Variants in PHF24 observed in about 807,000 individuals in gnomAD.
PHF24 encodes the protein PHD finger protein 24.
Under a neutral mutation model 42.6 loss-of-function variants are expected in PHF24, and 25 were observed. The observed-to-expected ratio is 0.59, with a 90% CI of 0.43 to 0.82. The LOEUF is 0.82. Among genes scored for constraint, PHF24 ranks in the 40% least tolerant of loss-of-function variants. The pLI is 0.00. For synonymous variants in PHF24, 185 were observed against 204.8 expected, an observed-to-expected ratio of 0.90 and a Z score of 0.83; for missense variants, 470 against 538.1, an observed-to-expected ratio of 0.87 and a Z score of 1.25.
the PHF24 span, among the ~76,000 whole-genome samples, chr9:34,877,628 C>T: frequency 6.6e-6 from 1 of 151,792 alleles, no homozygotes; most frequent in South Asian, 2.1e-4. Context: ...AAATGGTATG[C>T]TTTGTGTTAT....
chr9:34,739,437 A>G, the PHF24 span, among the ~76,000 whole-genome samples: 2 of 152,212 alleles, frequency 1.3e-5, no homozygotes, highest in Non-Finnish European at 2.9e-5. Context: ...ATATATTTCC[A>G]CAAAGACATA....
At chr9:34,901,407 G>A in the PHF24 span, among the ~76,000 whole-genome samples, 1 of 152,318 alleles carries the variant, frequency 6.6e-6, no homozygotes, top group Middle Eastern at 3.4e-3. Context: ...AAACAAACAT[G>A]ATAGACCACA....
intron 1 of PHF24, among the ~76,000 whole-genome samples, chr9:34,969,919 A>G (rs923051678): frequency 6.6e-6 from 1 of 152,100 alleles, no homozygotes; most frequent in Non-Finnish European, 1.5e-5. Context: ...TGCATCCTTC[A>G]AGGTCCACTT....
the PHF24 span, among the ~76,000 whole-genome samples, chr9:34,790,598 A>G: frequency 2.6e-5 from 4 of 152,256 alleles, no homozygotes; most frequent in Non-Finnish European, 4.4e-5. Flanking sequence ...TGTTGGAGAC[A>G]TGGCAATGAA....
At chr9:34,740,619 C>T in the PHF24 span, among the ~76,000 whole-genome samples, 1 of 152,210 alleles carries the variant, frequency 6.6e-6, no homozygotes, top group African/African-American at 2.4e-5. Flanking sequence ...GCGCCTCTCC[C>T]TCCACACCTC....
the PHF24 span, among the ~76,000 whole-genome samples, chr9:34,901,314 C>A: frequency 2.0e-5 from 3 of 152,204 alleles, no homozygotes; most frequent in Non-Finnish European, 2.9e-5. Context: ...GACCAACATT[C>A]TTCATGAACA....
the PHF24 span, chr9:34,837,428 A>G: frequency 2.1e-6 from 1 of 485,790 alleles, no homozygotes; most frequent in Non-Finnish European, 3.8e-6. Flanking sequence ...TGACACAGCT[A>G]AGGACATCTG....
At chr9:34,874,910 G>A in the PHF24 span, among the ~76,000 whole-genome samples, 1 of 152,130 alleles carries the variant, frequency 6.6e-6, no homozygotes, top group African/African-American at 2.4e-5. Flanking sequence ...ACGTCATGGA[G>A]AATGGGGCAT....
chr9:34,746,221 A>C, the PHF24 span, among the ~76,000 whole-genome samples: 5 of 152,226 alleles, frequency 3.3e-5, no homozygotes, highest in Non-Finnish European at 7.3e-5. Flanking sequence ...TGAACTGGAA[A>C]TAGATAAGCT....
the PHF24 span, among the ~76,000 whole-genome samples, chr9:34,793,668 A>C: frequency 1.3e-5 from 2 of 152,118 alleles, no homozygotes; most frequent in Admixed American, 6.5e-5. Context: ...AGAGAACTGG[A>C]GCAGAAGCCC....
At chr9:34,834,864 G>A in the PHF24 span, 1 of 1,505,946 alleles carries the variant, frequency 6.6e-7, no homozygotes, top group African/African-American at 1.6e-5. Context: ...GTTTTAGGGA[G>A]CAGTTGGGGG....
the PHF24 span, among the ~76,000 whole-genome samples, chr9:34,727,691 T>C: frequency 6.6e-6 from 1 of 152,216 alleles, no homozygotes; most frequent in African/African-American, 2.4e-5. Flanking sequence ...AAGGATGACT[T>C]CTTTATTCAA....
At chr9:34,774,954 A>C in the PHF24 span, among the ~76,000 whole-genome samples, 2 of 152,216 alleles carry the variant, frequency 1.3e-5, no homozygotes, top group Non-Finnish European at 2.9e-5. Context: ...GGTGCATTGC[A>C]TCTGGAAATG....
chr9:34,754,509 C>T, the PHF24 span, among the ~76,000 whole-genome samples: 1,886 of 152,152 alleles, frequency 0.012, 23 homozygotes, highest in Admixed American at 0.028. Context: ...AATGAGATAT[C>T]GTCTTGCCCC....
the PHF24 span, among the ~76,000 whole-genome samples, chr9:34,898,182 A>G: frequency 6.6e-6 from 1 of 152,214 alleles, no homozygotes; most frequent in Admixed American, 6.5e-5. Flanking sequence ...TCCTCCAGGT[A>G]GATACCCAGT....
chr9:34,914,150 C>T, the PHF24 span, among the ~76,000 whole-genome samples: 1 of 152,136 alleles, frequency 6.6e-6, no homozygotes. Flanking sequence ...TTACTGTCAT[C>T]TCCCTCTTCC....
chr9:34,916,277 AC>A, the PHF24 span, among the ~76,000 whole-genome samples: 128 of 152,222 alleles, frequency 8.4e-4, no homozygotes, highest in African/African-American at 2.9e-3. Context: ...CCTCCCCACC[AC>A]TTGTGATTCT....
chr9:34,904,314 G>C, the PHF24 span, among the ~76,000 whole-genome samples: 1 of 152,102 alleles, frequency 6.6e-6, no homozygotes, highest in South Asian at 2.1e-4. Context: ...TTCTCAGAGG[G>C]AATACTTTCA....
the PHF24 span, among the ~76,000 whole-genome samples, chr9:34,752,949 A>T: frequency 6.6e-6 from 1 of 152,156 alleles, no homozygotes; most frequent in Admixed American, 6.5e-5. Flanking sequence ...TGATCATTTC[A>T]ATTAATGATA....
Sources: gnomAD v4.1 joint callset for allele counts (sites outside exome capture counted in the v4.1 genomes callset) on GRCh38, gnomAD v4.1.1 for gene constraint, MANE v1.5 for transcripts, NCBI Gene and HGNC (gene_info 2026-07-23, HGNC 2026-07-21) for gene names.